GSPT1: variants seen among roughly 807,000 people sequenced by gnomAD.
The protein encoded by GSPT1 is eukaryotic peptide chain release factor GTP-binding subunit ERF3A.
In GSPT1, 20 loss-of-function variants were observed where a neutral mutation model predicts 72.5. That is an observed-to-expected ratio of 0.28 (90% CI 0.19 to 0.40). The LOEUF (loss-of-function observed/expected upper bound fraction) is 0.40, where lower values mean the gene tolerates loss of function less well. Ranked by LOEUF, GSPT1 falls within the 10% of genes least tolerant of loss-of-function variation. The pLI is 1.00. For missense variants in GSPT1, 580 were observed against 811.9 expected (o/e 0.71, Z 3.47); for synonymous variants, 334 against 293.5 (o/e 1.14, Z -1.41).
At chr16:11,879,733 C>T (rs1368253716) in intron 11 of GSPT1, among the ~76,000 whole-genome samples, 51 of 133,488 alleles carry the variant, frequency 3.8e-4, no homozygotes, top group Admixed American at 2.1e-3. Flanking sequence ...AGCGAGACTC[C>T]GTCTCAAAAA....
chr16:11,897,881 C>T lies in GSPT1; in HGVS notation c.395G>A (p.Gly132Asp). 2 of 1,540,592 alleles carry T rather than the reference C, an allele frequency of 1.3e-6. No homozygotes were observed. The highest frequency in any genetic ancestry group is 8.8e-7 in the Non-Finnish European group (1 of 1,131,220). The change falls in exon 3 of 15, where the codon GGT (glycine) becomes GAT (aspartate). Residue 132 changes from glycine to aspartate, a missense_variant and splice_region_variant. Physicochemically the swap from Gly to Asp is moderately conservative, Grantham distance 94 (BLOSUM62 -1). Transcript: ENST00000434724. ...SSQEEQSLCEGSNSAVSMELS... is the reference protein window; with the variant it reads ...SSQEEQSLCEDSNSAVSMELS... ...TTCCATGCTAACAGCTGAATTTGAA[C>T]CTAGACAAGAGATTGAAATATAATA...
rs1022495250 is a variant in GSPT1, at chr16:11,870,192, C to G, written c.*2927G>C. On this transcript the variant is annotated 3_prime_UTR_variant, in exon 15 of 15. Coordinates refer to ENST00000434724, the MANE Select transcript of GSPT1 (RefSeq NM_002094.4). ...TCACTTAATCTCAAGACAATACACA[C>G]TCAGTCCAACTCTTTTGGTTTGATT... is the stretch of plus-strand genomic sequence containing the variant. 6.6e-6 allele frequency: 1 copy of G among 152,084 alleles called. No individual in the cohort carries two copies. Among genetic ancestry groups the G allele is most frequent in the Non-Finnish European group, 1.5e-5 (1 of 68,004 alleles). 9.4% of individuals were successfully genotyped at this position (152,084 alleles called of 1,614,324 possible).
intron 1 of GSPT1, among the ~76,000 whole-genome samples, chr16:11,899,409 T>C (rs1368520674): frequency 1.3e-5 from 2 of 151,336 alleles, no homozygotes; most frequent in African/African-American, 2.4e-5. Flanking sequence ...TGAACTAGAG[T>C]GGGCAAGACC....
intron 11 of GSPT1, among the ~76,000 whole-genome samples, chr16:11,878,641 T>C (rs1047121118): frequency 6.6e-6 from 1 of 150,582 alleles, no homozygotes; most frequent in Non-Finnish European, 1.5e-5. Flanking sequence ...AAAATAGTTA[T>C]GGAGCCTCCA....
In GSPT1 at chr16:11,872,599, G is replaced by A. The variant is rs1445207449; in HGVS notation, c.*520C>T. 6.6e-6 allele frequency: 1 copy of A among 150,858 alleles called. No homozygotes were observed. The highest frequency in any genetic ancestry group is 2.0e-4 in the East Asian group (1 of 5,104). The allele number at this position is 150,858 out of a possible 1,614,324, so 9.3% of individuals were successfully genotyped here. ...GTAATAAAATGTATTCAATTACTTGGGAAAGTTAAAAAGCTAATGCAACAA... is the reference window on the plus strand; with the variant it reads ...GTAATAAAATGTATTCAATTACTTGAGAAAGTTAAAAAGCTAATGCAACAA... On this transcript the variant is annotated 3_prime_UTR_variant, in exon 15 of 15. Coordinates refer to ENST00000434724, the MANE Select transcript of GSPT1 (RefSeq NM_002094.4).
At chr16:11,904,350 G>A (rs187376971) in intron 1 of GSPT1, among the ~76,000 whole-genome samples, 68 of 152,086 alleles carry the variant, frequency 4.5e-4, no homozygotes, top group African/African-American at 1.5e-3. Flanking sequence ...CTACAGGCGC[G>A]CGCCACCACG....
rs1555505376 is a variant in GSPT1, at chr16:11,901,620, A to AAAAT, written c.353-3586_353-3585insATTT. The stretch of plus-strand genomic sequence containing the variant: ...GTGAAACCCCATCTCCACACACAAA[A>AAAAT]ATATATATATATATATATGAATTAG... On this transcript the variant is annotated intron_variant, in intron 1 of 14. Transcript: ENST00000434724. Among the ~76,000 whole-genome samples, 29 of 147,230 alleles carry AAAAT rather than the reference A, an allele frequency of 2.0e-4. No homozygotes were observed. The East Asian group carries it at 3.4e-3, about 17-fold the overall frequency.
chr16:11,915,164 T>C (rs2054615629), intron 1 of GSPT1: 1 of 1,032,776 alleles, frequency 9.7e-7, no homozygotes, highest in Non-Finnish European at 1.2e-6. Flanking sequence ...CGCTGCCCGC[T>C]GTCCGCTCCC....
chr16:11,896,175 C>T (rs1020290455), intron 4 of GSPT1, among the ~76,000 whole-genome samples: 9 of 152,170 alleles, frequency 5.9e-5, no homozygotes, highest in Admixed American at 5.9e-4. Context: ...TTTCCTGCTT[C>T]ACACAAAATT....
At chr16:11,906,112 C>T (rs1292317443) in intron 1 of GSPT1, among the ~76,000 whole-genome samples, 1 of 151,968 alleles carries the variant, frequency 6.6e-6, no homozygotes, top group Admixed American at 6.6e-5. Context: ...AATGGAGTCT[C>T]ACTCTGTCGC....
intron 1 of GSPT1, chr16:11,914,947 G>C (rs2054610941): frequency 2.6e-6 from 3 of 1,143,790 alleles, no homozygotes; most frequent in Non-Finnish European, 3.5e-6. Context: ...GGAAAACTCG[G>C]CCATTCGTCC....
intron 5 of GSPT1, 88 bp from the exon 6 acceptor site, chr16:11,891,227 T>C: frequency 8.1e-6 from 5 of 615,150 alleles, no homozygotes; most frequent in Non-Finnish European, 1.4e-5. Flanking sequence ...GTCGAAAATT[T>C]CAACGTCAGA....
chr16:11,883,354 C>G (rs1395466989), intron 10 of GSPT1, among the ~76,000 whole-genome samples: 1 of 151,110 alleles, frequency 6.6e-6, no homozygotes, highest in African/African-American at 2.4e-5. Flanking sequence ...TGGCTCAAGC[C>G]TATAATCCCA....
chr16:11,886,726 C>G (rs1008566318), intron 8 of GSPT1, 51 bp downstream of exon 8: 2 of 1,580,436 alleles, frequency 1.3e-6, no homozygotes, highest in East Asian at 4.5e-5. Flanking sequence ...CGTACAATAA[C>G]AAAACCATCC....
At chr16:11,875,018 C>G (rs571065013) in intron 14 of GSPT1, among the ~76,000 whole-genome samples, 1 of 152,052 alleles carries the variant, frequency 6.6e-6, no homozygotes, top group African/African-American at 2.4e-5. Context: ...GGTGAAACCC[C>G]GTCTCTACAA....
chr16:11,879,738 CAAAAA>C (rs1195456490), intron 11 of GSPT1, among the ~76,000 whole-genome samples: 1 of 84,326 alleles, frequency 1.2e-5, no homozygotes, highest in Non-Finnish European at 2.6e-5. Context: ...GACTCCGTCT[CAAAAA>C]AAAAAAAAAA....
chr16:11,896,786 C>G lies in GSPT1; in HGVS notation c.437-1G>C. ...GACATTTCTGTCTCTCCATTTTCTA[C>G]TGAAGAAAGACATTTTAACTTAGTA... On this transcript the variant is annotated splice_acceptor_variant, in intron 3 of 14. Coordinates refer to ENST00000434724, the MANE Select transcript of GSPT1 (RefSeq NM_002094.4). LOFTEE classifies it high-confidence loss of function. 6.5e-7 allele frequency: 1 copy of G among 1,536,198 alleles called. No individual in the cohort carries two copies. The highest frequency in any genetic ancestry group is 2.3e-5 in the East Asian group (1 of 42,856).
At chr16:11,908,754 C>G (rs1465551380) in intron 1 of GSPT1, 4 of 32,704 alleles carry the variant, frequency 1.2e-4, no homozygotes, top group Non-Finnish European at 4.3e-5. Flanking sequence ...AGCGAGACTC[C>G]GTCTCAAAAA....
chr16:11,876,569 C>G (rs2054049690), intron 12 of GSPT1, among the ~76,000 whole-genome samples: 1 of 152,120 alleles, frequency 6.6e-6, no homozygotes, highest in African/African-American at 2.4e-5. Flanking sequence ...TGGTGAAACC[C>G]TGTCTCTACT....
Sources: allele counts gnomAD v4.1 joint callset (sites outside exome capture counted in the v4.1 genomes callset), GRCh38; gene constraint gnomAD v4.1.1; transcripts MANE v1.5; gene names NCBI Gene and HGNC (gene_info 2026-07-23, HGNC 2026-07-21).